PACS1: variants seen among roughly 807,000 people sequenced by gnomAD.
PACS1 encodes phosphofurin acidic cluster sorting protein 1.
A neutral mutation model predicts 115.0 loss-of-function variants in PACS1; 24 were observed. That is an observed-to-expected ratio of 0.21 (90% CI 0.15 to 0.29). The LOEUF is 0.29. Ranked by LOEUF, PACS1 falls within the 10% of genes least tolerant of loss-of-function variation. The probability of loss-of-function intolerance (pLI) is 1.00; values close to 1 mark genes in which losing one functional copy is unlikely to be tolerated. For missense variants in PACS1, 838 were observed against 1,251.2 expected (o/e 0.67, Z 4.98); for synonymous variants, 453 against 504.5 (o/e 0.90, Z 1.37).
At chr11:66,134,846 G>A (rs936249199) in intron 1 of PACS1, among the ~76,000 whole-genome samples, 3 of 151,950 alleles carry the variant, frequency 2.0e-5, no homozygotes, top group African/African-American at 7.3e-5. Context: ...TAATTATGCC[G>A]GAGATAATCC....
intron 2 of PACS1, among the ~76,000 whole-genome samples, chr11:66,197,414 C>A (rs1030954323): frequency 1.3e-5 from 2 of 152,020 alleles, no homozygotes; most frequent in Admixed American, 1.3e-4. Context: ...ATTTAAAATT[C>A]TACTTTGGAA....
intron 2 of PACS1, among the ~76,000 whole-genome samples, chr11:66,205,086 G>A (rs2134691088): frequency 6.6e-6 from 1 of 152,148 alleles, no homozygotes; most frequent in South Asian, 2.1e-4. Flanking sequence ...CCAGGTTCAA[G>A]CGATTCTCCT....
At chr11:66,203,503 T>G (rs200074716) in intron 2 of PACS1, among the ~76,000 whole-genome samples, 2 of 145,774 alleles carry the variant, frequency 1.4e-5, no homozygotes, top group East Asian at 4.0e-4. Context: ...AAAAAAAAAA[T>G]CCTAAAATGT....
In PACS1 at chr11:66,157,112, CAAAT is replaced by C. The variant is rs144946705; in HGVS notation, c.357-36373_357-36370del. Among the ~76,000 whole-genome samples, 1,091 of 152,148 alleles carry C rather than the reference CAAAT, an allele frequency of 7.2e-3. 15 individuals are homozygous for C. Among genetic ancestry groups the C allele is most frequent in the African/African-American group, 0.025 (1,024 of 41,502 alleles). On this transcript the variant is annotated intron_variant, in intron 1 of 23. Transcript: ENST00000320580. ...CATGTTACCAAGTTGTGACCAATGA[CAAAT>C]GAACAGATGTCTTCAGGGTCAGGAG... is the stretch of plus-strand genomic sequence containing the variant.
intron 10 of PACS1, 134 bp downstream of exon 10, chr11:66,221,381 A>G: frequency 1.4e-6 from 1 of 734,454 alleles, no homozygotes; most frequent in Middle Eastern, 3.8e-4. Context: ...GGCATGGTGG[A>G]TCACAACTGT....
chr11:66,210,798 C>T (rs567214495), intron 3 of PACS1, among the ~76,000 whole-genome samples: 1 of 152,378 alleles, frequency 6.6e-6, no homozygotes, highest in Non-Finnish European at 1.5e-5. Flanking sequence ...CTCCGTCCTT[C>T]CCCTCTACTC....
At chr11:66,135,809 A>G (rs2134585092) in intron 1 of PACS1, among the ~76,000 whole-genome samples, 1 of 152,138 alleles carries the variant, frequency 6.6e-6, no homozygotes, top group East Asian at 1.9e-4. Flanking sequence ...GGTGCCTACC[A>G]CCATGCCTGG....
intron 1 of PACS1, among the ~76,000 whole-genome samples, chr11:66,118,769 CAAAAAAA>C (rs397945291): frequency 8.8e-4 from 74 of 83,620 alleles, no homozygotes; most frequent in African/African-American, 2.9e-3. Context: ...CCCATGTCTA[CAAAAAAA>C]AAAAAAAAAA....
chr11:66,203,869 A>G (rs1386844868), intron 2 of PACS1, among the ~76,000 whole-genome samples: 1 of 124,100 alleles, frequency 8.1e-6, no homozygotes, highest in African/African-American at 2.6e-5. Flanking sequence ...TTGACTGGAG[A>G]CTTAACTCTA....
intron 1 of PACS1, among the ~76,000 whole-genome samples, chr11:66,105,119 A>T (rs1293557644): frequency 6.6e-6 from 1 of 152,168 alleles, no homozygotes; most frequent in Non-Finnish European, 1.5e-5. Flanking sequence ...AGTATTAAGC[A>T]GCAGTTAAAA....
intron 1 of PACS1, among the ~76,000 whole-genome samples, chr11:66,125,918 T>TA (rs1203298415): frequency 6.6e-6 from 1 of 151,944 alleles, no homozygotes; most frequent in Non-Finnish European, 1.5e-5. Flanking sequence ...CGCATGCCTG[T>TA]AATCCCAGCT....
At chr11:66,129,455 ATATTATTATTATTAT>A (rs71455707) in intron 1 of PACS1, among the ~76,000 whole-genome samples, 4 of 140,388 alleles carry the variant, frequency 2.8e-5, no homozygotes, top group South Asian at 2.2e-4. Context: ...GGTTTAAAAA[ATATTATTATTATTAT>A]TATTATTATT....
chr11:66,096,792 G>A (rs1258034126), intron 1 of PACS1, among the ~76,000 whole-genome samples: 1 of 151,274 alleles, frequency 6.6e-6, no homozygotes, highest in African/African-American at 2.4e-5. Context: ...CCTGAGCACC[G>A]CGCCCAGCCG....
intron 1 of PACS1, among the ~76,000 whole-genome samples, chr11:66,093,377 A>G (rs568405393): frequency 1.3e-5 from 2 of 149,686 alleles, no homozygotes; most frequent in African/African-American, 4.9e-5. Context: ...GAAAACAAAA[A>G]AAGGCAGGGG....
At chr11:66,176,050 CA>C (rs35948687) in intron 1 of PACS1, among the ~76,000 whole-genome samples, 42,330 of 151,994 alleles carry the variant, frequency 0.28, 7,024 homozygotes, top group African/African-American at 0.46. Flanking sequence ...GTGGACTTTC[CA>C]AAAATATAGA....
At chr11:66,182,443 T>A (rs1486941469) in intron 1 of PACS1, among the ~76,000 whole-genome samples, 1 of 152,126 alleles carries the variant, frequency 6.6e-6, no homozygotes, top group Non-Finnish European at 1.5e-5. Flanking sequence ...TTCAAACATT[T>A]TCGGGAAGAA....
chr11:66,232,617 C>T (rs1855620230), intron 14 of PACS1, among the ~76,000 whole-genome samples: 1 of 152,214 alleles, frequency 6.6e-6, no homozygotes, highest in South Asian at 2.1e-4. Flanking sequence ...GCTGTAACCT[C>T]CAGGGCTGCC....
At chr11:66,197,697 CAGG>C (rs1854680374) in intron 2 of PACS1, among the ~76,000 whole-genome samples, 1 of 152,136 alleles carries the variant, frequency 6.6e-6, no homozygotes, top group African/African-American at 2.4e-5. Flanking sequence ...GAGGCTGAGG[CAGG>C]AGGATTGCCT....
chr11:66,108,915 G>A (rs1342091504), intron 1 of PACS1, among the ~76,000 whole-genome samples: 2 of 152,184 alleles, frequency 1.3e-5, no homozygotes, highest in East Asian at 3.8e-4. Flanking sequence ...GCTGCAATGA[G>A]CTATGTTTGT....
Sources: gnomAD v4.1 joint callset for allele counts (sites outside exome capture counted in the v4.1 genomes callset) on GRCh38, gnomAD v4.1.1 for gene constraint, MANE v1.5 for transcripts, NCBI Gene and HGNC (gene_info 2026-07-23, HGNC 2026-07-21) for gene names.